The following DNAJC22 variants were observed in gnomAD, a reference collection of about 807,000 sequenced individuals.
DNAJC22 encodes the protein dnaJ homolog subfamily C member 22.
In DNAJC22, 24 loss-of-function variants were observed where a neutral mutation model predicts 22.2. That is an observed-to-expected ratio of 1.08 (90% CI 0.78 to 1.52). The LOEUF (loss-of-function observed/expected upper bound fraction) is 1.52. DNAJC22 is among the 40% of genes most tolerant of loss of function. The pLI, the probability that DNAJC22 is intolerant of heterozygous loss-of-function variation, is 0.00. For missense variants in DNAJC22, 434 were observed against 421.7 expected (o/e 1.03, Z -0.26); for synonymous variants, 160 against 167.4 (o/e 0.96, Z 0.34).
chr12:49,348,878 C>A lies in DNAJC22; in HGVS notation c.6C>A (p.Ala2=). The A allele has an allele frequency of 1.3e-6, 2 of 1,496,216 alleles. No homozygotes were observed. Among genetic ancestry groups the A allele is most frequent in the East Asian group, 2.3e-5 (1 of 42,824 alleles). 92.7% of individuals were successfully genotyped at this position (1,496,216 alleles called of 1,614,324 possible). A position where few individuals can be genotyped will look rare whatever the true frequency, so the allele number is the denominator to read the frequency against. M[A]KGLLVTYALW... ...TGAGACCTTTGCCCTAGAGGATGGC[C>A]AAGGGGCTCCTGGTGACCTATGCCC... is the stretch of plus-strand genomic sequence containing the variant. Residue 2 remains alanine, a synonymous_variant, in exon 3 of 4, where the codon GCC becomes GCA. Transcript: ENST00000549441.
At chr12:49,350,848 G>A (rs1410124423) in intron 3 of DNAJC22, among the ~76,000 whole-genome samples, 1 of 152,122 alleles carries the variant, frequency 6.6e-6, no homozygotes, top group African/African-American at 2.4e-5. Flanking sequence ...TCACTGTTGT[G>A]TAGTATCCCA....
chr12:49,348,153 C>T (rs1874909), intron 2 of DNAJC22, 48 bp downstream of exon 2: 14,600 of 152,130 alleles, frequency 0.096, 1,508 homozygotes, highest in African/African-American at 0.26. Flanking sequence ...GGTGGTCGCT[C>T]CAGATAGAGG....
At position 49,347,896 on chromosome 12, in the gene DNAJC22, G is replaced by T; in HGVS notation, c.-317G>T. ...CGAGTTTCCCCGCGAGGGCGGGCGG[G>T]AGGAGTCCCAGGCGGGAATGTGATC... is the stretch of plus-strand genomic sequence containing the variant. On this transcript the variant is annotated 5_prime_UTR_variant, in exon 2 of 4. Transcript: ENST00000549441. 6.6e-6 allele frequency: 1 copy of T among 152,530 alleles called. No individual in the cohort carries two copies. 9.4% of individuals were successfully genotyped at this position (152,530 alleles called of 1,614,324 possible).
At position 49,348,791 on chromosome 12, in the gene DNAJC22, G is replaced by C; in HGVS notation, c.-82G>C. 6 of 1,427,980 alleles carry C rather than the reference G, an allele frequency of 4.2e-6. No individual in the cohort carries two copies. The highest frequency in any genetic ancestry group is 5.5e-6 in the Non-Finnish European group (6 of 1,089,564). The allele number at this position is 1,427,980 out of a possible 1,614,324, so 88.5% of individuals were successfully genotyped here. ...GGTCTAAGGATAACTCTGGGGCCAT[G>C]ACAGCCATGAGTCTCACAGAGGACC... On this transcript the variant is annotated 5_prime_UTR_variant, in exon 3 of 4. The change abolishes an upstream ATG in the 5' untranslated region. Transcript: ENST00000549441.
chr12:49,350,657 C>G (rs1437122672), intron 3 of DNAJC22, among the ~76,000 whole-genome samples: 1 of 151,682 alleles, frequency 6.6e-6, no homozygotes, highest in South Asian at 2.1e-4. Context: ...CGTCACCACG[C>G]CAAATTAATT....
chr12:49,349,002 G>T lies in DNAJC22; in HGVS notation c.130G>T (p.Gly44Cys). The T allele has an allele frequency of 6.4e-7, 1 of 1,572,388 alleles. No homozygotes were observed. Among genetic ancestry groups the T allele is most frequent in the Admixed American group, 1.8e-5 (1 of 54,586 alleles). Residue 44 changes from glycine (G) to cysteine (C), a missense_variant, in exon 3 of 4, where the codon GGC (glycine) becomes TGC (cysteine). Coordinates refer to ENST00000549441, the MANE Select transcript of DNAJC22 (RefSeq NM_001304944.2). ...WMLTLGGGGL[G>C]WLWEFWKLPS... ...GCTGACCCTGGGGGGAGGTGGGCTG[G>T]GCTGGCTCTGGGAGTTCTGGAAGCT...
At chr12:49,351,254 G>A in intron 3 of DNAJC22, 63 bp from the exon 4 acceptor site, 1 of 1,607,946 alleles carries the variant, frequency 6.2e-7, no homozygotes, top group Non-Finnish European at 8.5e-7. Context: ...AAAGGTGCAA[G>A]GAGAGGCCCA....
chr12:49,349,144 T>G lies in DNAJC22; in HGVS notation c.272T>G (p.Phe91Cys). Residue 91 changes from phenylalanine to cysteine, a missense_variant, in exon 3 of 4, where the codon TTT (phenylalanine) becomes TGT (cysteine). Phe to Cys is a radical substitution (Grantham distance 205). Transcript: ENST00000549441. ...GCCCAGGTGATAGTTGGCATCTATT[T>G]TGGCCTTGTGGCACTGATTAGCCTT... The part of the protein sequence containing the change: ...FAAQVIVGIY[F>C]GLVALISLSS... 1 of 1,614,198 alleles carries G rather than the reference T, an allele frequency of 6.2e-7. No individual in the cohort carries two copies. Among genetic ancestry groups the G allele is most frequent in the Non-Finnish European group, 8.5e-7 (1 of 1,180,036 alleles).
rs1335264797 is a variant in DNAJC22, at chr12:49,347,483, G to A, written c.-638G>A. 1 of 152,362 alleles carries A rather than the reference G, an allele frequency of 6.6e-6. No homozygotes were observed. Among genetic ancestry groups the A allele is most frequent in the Non-Finnish European group, 1.5e-5 (1 of 68,122 alleles). 9.4% of individuals were successfully genotyped at this position (152,362 alleles called of 1,614,324 possible). On this transcript the variant is annotated 5_prime_UTR_variant, in exon 1 of 4. Transcript: ENST00000549441. ...TGTCCGTGGATGTCTCTGCCTTAAG[G>A]GAATTGGAGGTGGAACCATCCAGTC...
rs1386393058 is a variant in DNAJC22 at position 49,349,631 on chromosome 12, C to CA, written c.760dup (p.Ser254LysfsTer12). The CA allele has an allele frequency of 6.2e-6, 10 of 1,614,254 alleles. No individual in the cohort carries two copies. In the South Asian group the frequency reaches 9.9e-5, roughly 16 times the overall value. On this transcript the variant is annotated frameshift_variant, in exon 3 of 4. Coordinates refer to ENST00000549441, the MANE Select transcript of DNAJC22 (RefSeq NM_001304944.2). LOFTEE classifies it high-confidence loss of function. ...TACTGATGGGGGAGACTGGCTTCAA[C>CA]AGCAGCTGCTTTCAGGAGTGGGCGA...
Position 49,349,354 on chromosome 12 carries a change from T to G in DNAJC22, c.482T>G (p.Ile161Ser). The G allele has an allele frequency of 1.2e-6, 2 of 1,608,610 alleles. No homozygotes were observed. Among genetic ancestry groups the G allele is most frequent in the Non-Finnish European group, 1.7e-6 (2 of 1,177,272 alleles). Residue 161 changes from isoleucine to serine, a missense_variant, in exon 3 of 4, where the codon ATT becomes AGT. Coordinates refer to ENST00000549441, the MANE Select transcript of DNAJC22 (RefSeq NM_001304944.2). ...AILPISVAAS[I>S]TAQRHRRYKA... ...CTGCCCATTAGCGTGGCCGCCAGCA[T>G]TACAGCTCAGAGGCATCGCCGCTAC...
Position 49,353,563 on chromosome 12 carries a change from C to G in DNAJC22, c.*2061C>G, listed in dbSNP as rs531410260. On this transcript the variant is annotated 3_prime_UTR_variant, in exon 4 of 4. Transcript: ENST00000549441. ...AAGGAGGCTGAGATTGGGAGGATCACTTGAACCCAAAAGGTGGAGGCTGCA... is the reference window on the plus strand; with the variant it reads ...AAGGAGGCTGAGATTGGGAGGATCAGTTGAACCCAAAAGGTGGAGGCTGCA... The G allele has an allele frequency of 1.7e-4, 26 of 152,260 alleles. No individual in the cohort carries two copies. Among genetic ancestry groups the G allele is most frequent in the African/African-American group, 4.8e-4 (20 of 41,538 alleles). 9.4% of individuals were successfully genotyped at this position (152,260 alleles called of 1,614,324 possible).
At chr12:49,351,198 C>T (rs1459692964) in intron 3 of DNAJC22, 119 bp from the exon 4 acceptor site, 18 of 1,521,472 alleles carry the variant, frequency 1.2e-5, no homozygotes, top group South Asian at 8.8e-5. Flanking sequence ...ACCTTTCCCA[C>T]GGGCAAGTAG....
rs1187895055 is a variant in DNAJC22 at position 49,351,353 on chromosome 12, A to C, written c.877A>C (p.Ile293Leu). 3.1e-6 allele frequency: 5 copies of C among 1,613,810 alleles called. No homozygotes were observed. Among genetic ancestry groups the C allele is most frequent in the Non-Finnish European group, 8.5e-7 (1 of 1,179,818 alleles). The stretch of plus-strand genomic sequence containing the variant: ...CTCAGAAGGGGCAACAAATGAAGAA[A>C]TACATCGGAGTTACCAGGAGCTAGT... ...GLSEGATNEEIHRSYQELVKV... is the reference protein window; with the variant it reads ...GLSEGATNEELHRSYQELVKV... The change falls in exon 4 of 4, where the codon ATA becomes CTA. Residue 293 changes from isoleucine to leucine, a missense_variant. By Grantham distance (5) the Ile-to-Leu change is conservative (BLOSUM62 2). Coordinates refer to ENST00000549441, the MANE Select transcript of DNAJC22 (RefSeq NM_001304944.2).
At position 49,347,457 on chromosome 12, in the gene DNAJC22, C is replaced by G. The variant is rs1943713597; in HGVS notation, c.-664C>G. The G allele has an allele frequency of 6.6e-6, 1 of 152,314 alleles. No homozygotes were observed. Among genetic ancestry groups the G allele is most frequent in the South Asian group, 2.1e-4 (1 of 4,832 alleles). The allele number at this position is 152,314 out of a possible 1,614,324, so 9.4% of individuals were successfully genotyped here. A position where few individuals can be genotyped will look rare whatever the true frequency, so the allele number is the denominator to read the frequency against. ...TGGGTTGGATGTCCCTCACTGCAGC[C>G]TGTCCGTGGATGTCTCTGCCTTAAG... On this transcript the variant is annotated 5_prime_UTR_variant, in exon 1 of 4. Coordinates refer to ENST00000549441, the MANE Select transcript of DNAJC22 (RefSeq NM_001304944.2).
At position 49,347,757 on chromosome 12, in the gene DNAJC22, C is replaced by G. The variant is rs892929064; in HGVS notation, c.-456C>G. 3.3e-5 allele frequency: 5 copies of G among 152,486 alleles called. No homozygotes were observed. Among genetic ancestry groups the G allele is most frequent in the South Asian group, 2.1e-4 (1 of 4,842 alleles). 9.4% of individuals were successfully genotyped at this position (152,486 alleles called of 1,614,324 possible). Reference sequence around the variant, plus strand: ...GTGTCTGGGGACCGCCCGGACCCCCCCTTCCATCGGCGGCAGCGCCACCTG... The same window carrying G: ...GTGTCTGGGGACCGCCCGGACCCCCGCTTCCATCGGCGGCAGCGCCACCTG... On this transcript the variant is annotated 5_prime_UTR_variant, in exon 2 of 4. Coordinates refer to ENST00000549441, the MANE Select transcript of DNAJC22 (RefSeq NM_001304944.2).
rs1274680638 is a variant in DNAJC22, at chr12:49,353,343, A to G, written c.*1841A>G. 6.6e-6 allele frequency: 1 copy of G among 152,150 alleles called. No individual in the cohort carries two copies. The highest frequency in any genetic ancestry group is 2.1e-4 in the South Asian group (1 of 4,822). 9.4% of individuals were successfully genotyped at this position (152,150 alleles called of 1,614,324 possible). On this transcript the variant is annotated 3_prime_UTR_variant, in exon 4 of 4. Coordinates refer to ENST00000549441, the MANE Select transcript of DNAJC22 (RefSeq NM_001304944.2). ...TCTGGATGTTAAATCTGAGTAATATATATCATTTTTAAAGTGGAATTATGA... is the reference window on the plus strand; with the variant it reads ...TCTGGATGTTAAATCTGAGTAATATGTATCATTTTTAAAGTGGAATTATGA...
In DNAJC22 at chr12:49,353,577, G is replaced by A. The variant is rs1199315132; in HGVS notation, c.*2075G>A. On this transcript the variant is annotated 3_prime_UTR_variant, in exon 4 of 4. Coordinates refer to ENST00000549441, the MANE Select transcript of DNAJC22 (RefSeq NM_001304944.2). ...TGGGAGGATCACTTGAACCCAAAAG[G>A]TGGAGGCTGCAGTGAGCTGAGATCG... 1 of 152,178 alleles carries A rather than the reference G, an allele frequency of 6.6e-6. No individual in the cohort carries two copies. Among genetic ancestry groups the A allele is most frequent in the East Asian group, 1.9e-4 (1 of 5,200 alleles). 9.4% of individuals were successfully genotyped at this position (152,178 alleles called of 1,614,324 possible). A position where few individuals can be genotyped will look rare whatever the true frequency, so the allele number is the denominator to read the frequency against.
chr12:49,347,580 G>C (rs1010441368), intron 1 of DNAJC22, 29 bp downstream of exon 1: 1 of 152,376 alleles, frequency 6.6e-6, no homozygotes, highest in African/African-American at 2.4e-5. Context: ...TTCAATTTGT[G>C]GGGGTGGGAG....
Sources: allele counts gnomAD v4.1 joint callset (sites outside exome capture counted in the v4.1 genomes callset), GRCh38; gene constraint gnomAD v4.1.1; transcripts MANE v1.5; gene names NCBI Gene and HGNC (gene_info 2026-07-23, HGNC 2026-07-21).